Variants in SLC6A11 observed in about 807,000 individuals in gnomAD.
The protein encoded by SLC6A11 is sodium- and chloride-dependent GABA transporter 3.
SLC6A11 carries 25 observed loss-of-function variants against 74.8 expected under a neutral mutation model. That is an observed-to-expected ratio of 0.33 (90% CI 0.24 to 0.47). SLC6A11 has a LOEUF of 0.47. Ranked by LOEUF, SLC6A11 falls within the 20% of genes least tolerant of loss-of-function variation. The pLI is 1.00. For missense variants in SLC6A11, 574 were observed against 837.0 expected (o/e 0.69, Z 3.88); for synonymous variants, 330 against 330.2 (o/e 1.00, Z 0.01).
At chr3:10,938,210 G>C in intron 13 of SLC6A11, 40 bp from the exon 14 acceptor site, 1 of 1,547,544 alleles carries the variant, frequency 6.5e-7, no homozygotes, top group Non-Finnish European at 8.8e-7. Context: ...GACCCTGGCA[G>C]CTAATCACTC....
chr3:10,832,597 C>T (rs1479666261), intron 4 of SLC6A11, among the ~76,000 whole-genome samples: 1 of 152,176 alleles, frequency 6.6e-6, no homozygotes, highest in Non-Finnish European at 1.5e-5. Context: ...TTAAATATAA[C>T]CTATAAATAT....
chr3:10,831,237 C>T (rs921888110), intron 4 of SLC6A11, among the ~76,000 whole-genome samples: 27 of 152,072 alleles, frequency 1.8e-4, no homozygotes, highest in Non-Finnish European at 3.4e-4. Flanking sequence ...CAATAACCCG[C>T]GGCACTGGGG....
chr3:10,898,942 C>T (rs978438512), intron 6 of SLC6A11, among the ~76,000 whole-genome samples: 9 of 152,168 alleles, frequency 5.9e-5, no homozygotes, highest in Admixed American at 5.9e-4. Flanking sequence ...GCCTCACAAT[C>T]ATGGCAGAAA....
intron 6 of SLC6A11, 78 bp downstream of exon 6, chr3:10,875,173 C>G (rs1255078681): frequency 2.5e-5 from 33 of 1,312,818 alleles, no homozygotes; most frequent in African/African-American, 1.3e-4. Context: ...CCACTGGCCA[C>G]TGAGATTCAA....
In SLC6A11 at chr3:10,913,767, C is replaced by A. The variant is rs376809170; in HGVS notation, c.995+1574C>A. Among the ~76,000 whole-genome samples the A allele has an allele frequency of 2.6e-5, 4 of 152,204 alleles. No individual in the cohort carries two copies. The East Asian group carries it at 5.8e-4, about 22-fold the overall frequency. On this transcript the variant is annotated intron_variant, in intron 7 of 13. Coordinates refer to ENST00000254488, the MANE Select transcript of SLC6A11 (RefSeq NM_014229.3). Reference sequence around the variant, plus strand: ...GGACTGCAGTGGCACGATCTCGGCTCACTACAAGCTCTGCCTCCCAGGTTC... The same window carrying A: ...GGACTGCAGTGGCACGATCTCGGCTAACTACAAGCTCTGCCTCCCAGGTTC...
At chr3:10,852,194 C>T (rs1437583879) in intron 5 of SLC6A11, among the ~76,000 whole-genome samples, 2 of 152,250 alleles carry the variant, frequency 1.3e-5, no homozygotes, top group African/African-American at 2.4e-5. Flanking sequence ...ACTCTCCCAG[C>T]GGCCAGGGCC....
At chr3:10,929,436 A>G in intron 10 of SLC6A11, 97 bp downstream of exon 10, 3 of 1,351,102 alleles carry the variant, frequency 2.2e-6, no homozygotes, top group Non-Finnish European at 2.1e-6. Context: ...GGTCAGGTCT[A>G]GTGCCCTCTG....
At position 10,844,213 on chromosome 3, in the gene SLC6A11, G is replaced by T; in HGVS notation, c.624-1G>T. ...GTGACTCTCCACCCTCCCTTCTGCA[G>T]GCACCGGGTCCTGGCCATCTCTGAC... On this transcript the variant is annotated splice_acceptor_variant, in intron 4 of 13. Transcript: ENST00000254488. LOFTEE classifies it high-confidence loss of function. 6.2e-7 allele frequency: 1 copy of T among 1,614,216 alleles called. No individual in the cohort carries two copies. Among genetic ancestry groups the T allele is most frequent in the Non-Finnish European group, 8.5e-7 (1 of 1,180,030 alleles).
intron 4 of SLC6A11, among the ~76,000 whole-genome samples, chr3:10,839,632 C>A (rs959403470): frequency 3.3e-5 from 5 of 152,184 alleles, no homozygotes; most frequent in Admixed American, 2.0e-4. Context: ...TTCTTCAGGT[C>A]TCCCAGGATA....
chr3:10,885,558 C>G (rs910895209), intron 6 of SLC6A11, among the ~76,000 whole-genome samples: 2 of 148,656 alleles, frequency 1.3e-5, no homozygotes, highest in Non-Finnish European at 3.0e-5. Flanking sequence ...GCCCGGGGTA[C>G]TGCTAAACAT....
intron 5 of SLC6A11, among the ~76,000 whole-genome samples, chr3:10,846,028 G>A (rs898525668): frequency 6.6e-6 from 1 of 152,166 alleles, no homozygotes; most frequent in Admixed American, 6.5e-5. Context: ...TTCCTCTTCT[G>A]TAAGACAGGA....
intron 5 of SLC6A11, among the ~76,000 whole-genome samples, chr3:10,867,540 A>G (rs1694780146): frequency 6.6e-6 from 1 of 152,186 alleles, no homozygotes; most frequent in South Asian, 2.1e-4. Context: ...AGAAGGTTCA[A>G]CCCAAATCCG....
At position 10,825,739 on chromosome 3, in the gene SLC6A11, C is replaced by A. The variant is rs574436982; in HGVS notation, c.623+2347C>A. Among the ~76,000 whole-genome samples, 46 of 152,222 alleles carry A rather than the reference C, an allele frequency of 3.0e-4. 1 individual carries two copies. The South Asian group carries it at 3.3e-3, about 11-fold the overall frequency. ...TTTTAATGTTGTATTAGGTAGAAAT[C>A]CAGGTTTTAATATATAAATAACCTA... On this transcript the variant is annotated intron_variant, in intron 4 of 13. Transcript: ENST00000254488.
At chr3:10,842,807 A>G (rs1694454858) in intron 4 of SLC6A11, among the ~76,000 whole-genome samples, 1 of 152,116 alleles carries the variant, frequency 6.6e-6, no homozygotes, top group Non-Finnish European at 1.5e-5. Context: ...GAGTAAATCT[A>G]TGGCTGCACA....
chr3:10,880,354 A>G (rs1198568205), intron 6 of SLC6A11, among the ~76,000 whole-genome samples: 1 of 152,204 alleles, frequency 6.6e-6, no homozygotes, highest in African/African-American at 2.4e-5. Context: ...ACCACGAAGA[A>G]AAGTTCCCAG....
rs575713265 is a variant in SLC6A11 at position 10,915,183 on chromosome 3, C to T, written c.995+2990C>T. On this transcript the variant is annotated intron_variant, in intron 7 of 13. Coordinates refer to ENST00000254488, the MANE Select transcript of SLC6A11 (RefSeq NM_014229.3). The surrounding 1 kb of genome is among the most constrained non-coding windows in gnomAD (Gnocchi z 4.3). The stretch of plus-strand genomic sequence containing the variant: ...CTACCAGGGGTGGCCAGCTCTTTCC[C>T]AGCTACTGGAGTTGAAGAGGGTTTG... Among the ~76,000 whole-genome samples, 1 of 152,254 alleles carries T rather than the reference C, an allele frequency of 6.6e-6. No individual in the cohort carries two copies. Among genetic ancestry groups the T allele is most frequent in the East Asian group, 1.9e-4 (1 of 5,160 alleles).
chr3:10,830,838 T>C (rs916091213), intron 4 of SLC6A11, among the ~76,000 whole-genome samples: 10 of 152,086 alleles, frequency 6.6e-5, no homozygotes, highest in Non-Finnish European at 1.5e-4. Flanking sequence ...TGCCTGCAAA[T>C]GTTCTATTCC....
At chr3:10,861,297 C>T (rs1048752698) in intron 5 of SLC6A11, among the ~76,000 whole-genome samples, 3 of 152,210 alleles carry the variant, frequency 2.0e-5, no homozygotes, top group Admixed American at 2.0e-4. Flanking sequence ...GGGAGGCTTG[C>T]TTGAGCCCAA....
chr3:10,921,041 A>T (rs578157032), intron 8 of SLC6A11, among the ~76,000 whole-genome samples: 1 of 152,336 alleles, frequency 6.6e-6, no homozygotes, highest in South Asian at 2.1e-4. Context: ...ACTCAGTGGG[A>T]TGTCCCAGAA....
Sources: gnomAD v4.1 joint callset for allele counts (sites outside exome capture counted in the v4.1 genomes callset) on GRCh38, gnomAD v4.1.1 for gene constraint, Gnocchi (gnomAD v3.1) non-coding constraint, MANE v1.5 for transcripts, NCBI Gene and HGNC (gene_info 2026-07-23, HGNC 2026-07-21) for gene names.